GTSF1: variants seen among roughly 807,000 people sequenced by gnomAD.
GTSF1 encodes the protein gametocyte specific factor 1, also known as gametocyte-specific factor 1.
Under a neutral mutation model 28.9 loss-of-function variants are expected in GTSF1, and 11 were observed. The observed-to-expected ratio is 0.38, with a 90% confidence interval of 0.24 to 0.63. GTSF1 has a LOEUF of 0.63. Among genes scored for constraint, GTSF1 ranks in the 30% least tolerant of loss-of-function variants. The pLI is 0.56. For synonymous variants in GTSF1, 69 were observed against 65.6 expected (o/e 1.05, Z -0.25); for missense variants, 146 against 201.0 (o/e 0.73, Z 1.66).
At chr12:54,466,816 C>CTTTTTTT (rs11404162) in intron 2 of GTSF1, 4 of 119,874 alleles carry the variant, frequency 3.3e-5, no homozygotes, top group Middle Eastern at 4.6e-3. Flanking sequence ...ATTTAAAAAT[C>CTTTTTTT]TTTTTTTTTT....
At chr12:54,462,025 T>C in intron 6 of GTSF1, 84 bp downstream of exon 6, 1 of 949,852 alleles carries the variant, frequency 1.1e-6, no homozygotes, top group Non-Finnish European at 1.7e-6. Flanking sequence ...AAGAAAGTGG[T>C]CAATTCATGC....
At chr12:54,462,239 G>T in intron 5 of GTSF1, 67 bp from the exon 6 acceptor site, 1 of 1,110,980 alleles carries the variant, frequency 9.0e-7, no homozygotes, top group Non-Finnish European at 1.4e-6. Context: ...CATGTTGGTT[G>T]AATTTATAAG....
At chr12:54,472,914 A>G (rs1026257432) in intron 1 of GTSF1, among the ~76,000 whole-genome samples, 16 of 152,214 alleles carry the variant, frequency 1.1e-4, no homozygotes, top group Non-Finnish European at 2.1e-4. Flanking sequence ...TTCATTAAAA[A>G]TAAGAGTTTT....
At chr12:54,467,559 C>A (rs531452628) in intron 2 of GTSF1, among the ~76,000 whole-genome samples, 7 of 152,244 alleles carry the variant, frequency 4.6e-5, no homozygotes, top group African/African-American at 1.7e-4. Flanking sequence ...AGGTGATCCA[C>A]CTGCCTCGGC....
intron 2 of GTSF1, chr12:54,468,799 G>A (rs1168276802): frequency 1.3e-5 from 2 of 152,188 alleles, no homozygotes; most frequent in Admixed American, 1.3e-4. Context: ...ATAGTCTAAG[G>A]CAGTGTTTCT....
chr12:54,462,181 G>A lies in GTSF1; in HGVS notation c.329-9C>T, dbSNP rs1049256701. ...GGTCTGCTCCCACAAATCTGTTAAA[G>A]GAAGCAAAACATAGTTTGTGGTACT... is the stretch of plus-strand genomic sequence containing the variant. On this transcript the variant is annotated splice_polypyrimidine_tract_variant and intron_variant, in intron 5 of 8. Coordinates refer to ENST00000305879, the MANE Select transcript of GTSF1 (RefSeq NM_144594.3). 1 of 1,609,804 alleles carries A rather than the reference G, an allele frequency of 6.2e-7. No homozygotes were observed. Among genetic ancestry groups the A allele is most frequent in the Non-Finnish European group, 8.5e-7 (1 of 1,176,432 alleles).
At chr12:54,459,178 C>A (rs1956380568) in intron 7 of GTSF1, 53 bp from the exon 8 acceptor site, 2 of 1,548,834 alleles carry the variant, frequency 1.3e-6, no homozygotes, top group Non-Finnish European at 1.8e-6. Context: ...GAAATTCACT[C>A]CATCCCCTAT....
intron 2 of GTSF1, among the ~76,000 whole-genome samples, chr12:54,469,188 C>T (rs1027680435): frequency 3.9e-5 from 6 of 152,220 alleles, no homozygotes; most frequent in African/African-American, 1.4e-4. Flanking sequence ...AAGCAATTCT[C>T]CTGCCTCAGC....
At chr12:54,469,152 T>C (rs111759299) in intron 2 of GTSF1, among the ~76,000 whole-genome samples, 16,027 of 152,120 alleles carry the variant, frequency 0.11, 1,015 homozygotes, top group African/African-American at 0.17. Flanking sequence ...GATCTTGGTT[T>C]ACTGCAACCT....
intron 8 of GTSF1, among the ~76,000 whole-genome samples, chr12:54,456,425 A>C (rs930689174): frequency 1.3e-5 from 2 of 152,260 alleles, no homozygotes; most frequent in African/African-American, 4.8e-5. Context: ...AGTGAGGAGA[A>C]TATCAGGAAA....
At chr12:54,466,974 A>G (rs990543853) in intron 2 of GTSF1, 5 of 151,988 alleles carry the variant, frequency 3.3e-5, no homozygotes, top group Admixed American at 6.6e-5. Context: ...AACTGTGATT[A>G]AAAACACATA....
At chr12:54,473,259 CT>C (rs955608336) in intron 1 of GTSF1, among the ~76,000 whole-genome samples, 62 of 152,124 alleles carry the variant, frequency 4.1e-4, no homozygotes, top group African/African-American at 1.3e-3. Flanking sequence ...ATTTTTCTTC[CT>C]TTAAACAACA....
chr12:54,461,328 T>C (rs1271298402), intron 6 of GTSF1, among the ~76,000 whole-genome samples: 1 of 152,076 alleles, frequency 6.6e-6, no homozygotes, highest in African/African-American at 2.4e-5. Flanking sequence ...CTTGAACTCC[T>C]GGCCTCAGCG....
At chr12:54,472,098 TA>T (rs1956602031) in intron 1 of GTSF1, 1 of 151,956 alleles carries the variant, frequency 6.6e-6, no homozygotes, top group Non-Finnish European at 1.5e-5. Flanking sequence ...TGTTCTATTA[TA>T]AAGCTTTCCT....
At chr12:54,460,296 C>A in intron 7 of GTSF1, 81 bp downstream of exon 7, 2 of 1,040,686 alleles carry the variant, frequency 1.9e-6, no homozygotes, top group Middle Eastern at 2.1e-4. Context: ...GGTGTTCAGA[C>A]TGAACACATC....
Position 54,462,722 on chromosome 12 carries a change from T to A in GTSF1, c.248A>T (p.Asn83Ile). 1 of 1,613,578 alleles carries A rather than the reference T, an allele frequency of 6.2e-7. No individual in the cohort carries two copies. The highest frequency in any genetic ancestry group is 8.5e-7 in the Non-Finnish European group (1 of 1,179,536). ...DRSCIEQDVV[N>I]QTRSLRQETL... is the part of the protein sequence containing the mutation. The stretch of plus-strand genomic sequence containing the variant: ...CTCTTGTCTAAGGCTCCTGGTTTGG[T>A]TGACTGCAAGACAATAAAGATTGGA... Residue 83 changes from asparagine to isoleucine, a missense_variant, in exon 5 of 9, where the codon AAC (asparagine) becomes ATC (isoleucine). Physicochemically the swap from Asn to Ile is moderately radical, Grantham distance 149. Transcript: ENST00000305879.
intron 2 of GTSF1, among the ~76,000 whole-genome samples, chr12:54,468,525 G>A (rs1269935213): frequency 1.3e-5 from 2 of 152,178 alleles, no homozygotes; most frequent in African/African-American, 4.8e-5. Flanking sequence ...ACAAATTTTT[G>A]TCTGGCTTCC....
At chr12:54,467,004 G>T (rs1452230969) in intron 2 of GTSF1, 5 of 151,814 alleles carry the variant, frequency 3.3e-5, no homozygotes, top group Non-Finnish European at 5.9e-5. Context: ...CCATGTTAAT[G>T]AATTTTAAGT....
At chr12:54,461,538 T>C (rs1292540793) in intron 6 of GTSF1, among the ~76,000 whole-genome samples, 4 of 152,024 alleles carry the variant, frequency 2.6e-5, no homozygotes, top group South Asian at 2.1e-4. Context: ...TTCTTGCTAT[T>C]TGAGAGGCCC....
Sources: allele counts gnomAD v4.1 joint callset (sites outside exome capture counted in the v4.1 genomes callset), GRCh38; gene constraint gnomAD v4.1.1; transcripts MANE v1.5; gene names NCBI Gene and HGNC (gene_info 2026-07-23, HGNC 2026-07-21).